Variants in BNC2 observed in about 807,000 individuals in gnomAD.
BNC2 encodes the protein zinc finger protein basonuclin-2.
BNC2 carries 20 observed loss-of-function variants against 76.3 expected under a neutral mutation model. The observed-to-expected ratio is 0.26, with a 90% CI of 0.18 to 0.38. BNC2 has a LOEUF of 0.38. Among genes scored for constraint, BNC2 ranks in the 10% least tolerant of loss-of-function variants. The pLI is 1.00. For synonymous variants in BNC2, 582 were observed against 514.8 expected (o/e 1.13, Z -1.77); for missense variants, 1,382 against 1,399.8 (o/e 0.99, Z 0.20).
At chr9:16,507,052 C>G (rs991874546) in intron 5 of BNC2, among the ~76,000 whole-genome samples, 1 of 152,270 alleles carries the variant, frequency 6.6e-6, no homozygotes, top group South Asian at 2.1e-4. Context: ...CCAAGCCCAG[C>G]CTACACTTCT....
At chr9:16,709,304 G>A (rs1823767216) in intron 3 of BNC2, among the ~76,000 whole-genome samples, 1 of 152,202 alleles carries the variant, frequency 6.6e-6, no homozygotes, top group Non-Finnish European at 1.5e-5. Context: ...AAGTGACACA[G>A]AAGAGAAGGA....
At chr9:16,559,992 C>T (rs1471213557) in intron 4 of BNC2, among the ~76,000 whole-genome samples, 3 of 152,202 alleles carry the variant, frequency 2.0e-5, no homozygotes, top group African/African-American at 7.2e-5. Context: ...TCTCCTAACT[C>T]GGAAGTCAGC....
At chr9:16,526,251 T>C (rs917813448) in intron 5 of BNC2, among the ~76,000 whole-genome samples, 1 of 152,106 alleles carries the variant, frequency 6.6e-6, no homozygotes, top group Admixed American at 6.6e-5. Context: ...TGGCAAAGAA[T>C]ATGGTATTTT....
intron 5 of BNC2, among the ~76,000 whole-genome samples, chr9:16,528,491 A>G (rs1265431676): frequency 6.6e-6 from 1 of 152,172 alleles, no homozygotes; most frequent in Non-Finnish European, 1.5e-5. Context: ...AATATATGAG[A>G]TGGTTTCTAT....
At chr9:16,737,238 C>CTTTTTTTTTTTTTTTTTTT (rs559930240) in intron 2 of BNC2, among the ~76,000 whole-genome samples, 4 of 91,302 alleles carry the variant, frequency 4.4e-5, no homozygotes, top group African/African-American at 4.3e-5. Context: ...CACACCTGGC[C>CTTTTTTTTTTTTTTTTTTT]TTTTTTTTTT....
intron 5 of BNC2, among the ~76,000 whole-genome samples, chr9:16,521,213 G>A (rs567255309): frequency 1.1e-4 from 16 of 152,322 alleles, no homozygotes; most frequent in African/African-American, 3.6e-4. Context: ...AAGAGACCAG[G>A]AAAGGTCTGC....
intron 5 of BNC2, among the ~76,000 whole-genome samples, chr9:16,508,821 C>CTTTTTTTTTTTTTTTTTTTT (rs386414529): frequency 1.4e-5 from 2 of 143,418 alleles, no homozygotes; most frequent in Non-Finnish European, 3.0e-5. Flanking sequence ...TTTTGCACAT[C>CTTTTTTTTTTTTTTTTTTTT]TTTTTTTTTT....
At chr9:16,542,160 C>T (rs781492867) in intron 5 of BNC2, among the ~76,000 whole-genome samples, 14 of 152,044 alleles carry the variant, frequency 9.2e-5, no homozygotes, top group Non-Finnish European at 1.0e-4. Flanking sequence ...AACACATTTC[C>T]TTACAGAGAG....
intron 1 of BNC2, among the ~76,000 whole-genome samples, chr9:16,756,702 G>C (rs1825392224): frequency 6.6e-6 from 1 of 152,022 alleles, no homozygotes. Flanking sequence ...TCTTAAACTA[G>C]ACCTAGGCTG....
intron 1 of BNC2, among the ~76,000 whole-genome samples, chr9:16,857,573 C>G (rs1213041713): frequency 1.3e-5 from 2 of 149,566 alleles, no homozygotes; most frequent in East Asian, 4.0e-4. Context: ...AAAAATTATC[C>G]TTAAAATACA....
At chr9:16,501,849 A>G (rs1256728768) in intron 5 of BNC2, among the ~76,000 whole-genome samples, 1 of 152,188 alleles carries the variant, frequency 6.6e-6, no homozygotes, top group Admixed American at 6.5e-5. Context: ...TAAGGTAGGT[A>G]AGACACCCAC....
chr9:16,780,626 A>G (rs1826126139), intron 1 of BNC2, among the ~76,000 whole-genome samples: 1 of 152,176 alleles, frequency 6.6e-6, no homozygotes, highest in African/African-American at 2.4e-5. Context: ...ACATTTCAAT[A>G]AAGCTTTTTA....
intron 3 of BNC2, among the ~76,000 whole-genome samples, chr9:16,634,164 T>C (rs1395760243): frequency 6.6e-6 from 1 of 152,222 alleles, no homozygotes; most frequent in East Asian, 1.9e-4. Flanking sequence ...TTGCAATTTG[T>C]CCACTGTGCA....
rs1257928906 is a variant in BNC2, at chr9:16,415,670, G to C, written c.*3319C>G. The stretch of plus-strand genomic sequence containing the variant: ...CCATCTTAACTAGAATTCTAGTTAA[G>C]TCAAAACAAGACACTCAGGCACACA... On this transcript the variant is annotated 3_prime_UTR_variant, in exon 7 of 7. Transcript: ENST00000380672. 6.6e-6 allele frequency: 1 copy of C among 152,150 alleles called. No individual in the cohort carries two copies. The highest frequency in any genetic ancestry group is 1.5e-5 in the Non-Finnish European group (1 of 68,026). 9.4% of individuals were successfully genotyped at this position (152,150 alleles called of 1,614,324 possible).
chr9:16,463,576 G>GTGAGC (rs1821636399), intron 5 of BNC2, among the ~76,000 whole-genome samples: 1 of 143,836 alleles, frequency 7.0e-6, no homozygotes, highest in Non-Finnish European at 1.5e-5. Flanking sequence ...GACTACAGGC[G>GTGAGC]TGAGCCACCG....
intron 1 of BNC2, among the ~76,000 whole-genome samples, chr9:16,811,073 C>G (rs1349476742): frequency 6.6e-6 from 1 of 151,818 alleles, no homozygotes; most frequent in African/African-American, 2.4e-5. Context: ...AAAAAATTAG[C>G]CAGGCATGGT....
chr9:16,434,906 C>A (rs939577314), intron 6 of BNC2: 4 of 466,026 alleles, frequency 8.6e-6, no homozygotes, highest in East Asian at 6.9e-5. Context: ...GAAACCCACA[C>A]GACCATACCA....
At chr9:16,520,461 G>A (rs933997452) in intron 5 of BNC2, among the ~76,000 whole-genome samples, 1 of 152,210 alleles carries the variant, frequency 6.6e-6, no homozygotes. Context: ...GAGAGCATGA[G>A]ATTCCTATTC....
chr9:16,830,564 A>G (rs1446592887), intron 1 of BNC2, among the ~76,000 whole-genome samples: 1 of 152,196 alleles, frequency 6.6e-6, no homozygotes, highest in Admixed American at 6.5e-5. Flanking sequence ...ATTATTTTTG[A>G]TCCACGGTTG....
Sources: allele counts gnomAD v4.1 joint callset (sites outside exome capture counted in the v4.1 genomes callset), GRCh38; gene constraint gnomAD v4.1.1; transcripts MANE v1.5; gene names NCBI Gene and HGNC (gene_info 2026-07-23, HGNC 2026-07-21).